MLIP: variants seen among roughly 807,000 people sequenced by gnomAD.
MLIP encodes muscular LMNA-interacting protein.
MLIP carries 79 observed loss-of-function variants against 84.8 expected under a neutral mutation model. The ratio of observed to expected loss-of-function variants is 0.93; its 90% CI spans 0.78 to 1.12. The LOEUF is 1.12. Among genes scored for constraint, MLIP ranks in the 50% most tolerant of loss-of-function variants. The probability of loss-of-function intolerance (pLI) is 0.00; values close to 1 mark genes in which losing one functional copy is unlikely to be tolerated. For missense variants in MLIP, 1,257 were observed against 1,160.6 expected (o/e 1.08, Z -1.21); for synonymous variants, 504 against 463.0 (o/e 1.09, Z -1.14).
intron 1 of MLIP, among the ~76,000 whole-genome samples, chr6:54,105,344 G>A (rs1214772198): frequency 2.0e-5 from 3 of 152,142 alleles, no homozygotes; most frequent in Non-Finnish European, 4.4e-5. Context: ...AGTGGAACTA[G>A]GAAAGTTGAC....
At chr6:54,057,455 T>C (rs1765726171) in intron 1 of MLIP, among the ~76,000 whole-genome samples, 1 of 152,224 alleles carries the variant, frequency 6.6e-6, no homozygotes, top group Admixed American at 6.5e-5. Context: ...CTTTTGTCTG[T>C]AAGGGTTAAT....
intron 1 of MLIP, among the ~76,000 whole-genome samples, chr6:54,085,109 A>G (rs1317440744): frequency 6.6e-6 from 1 of 152,220 alleles, no homozygotes; most frequent in Non-Finnish European, 1.5e-5. Flanking sequence ...ATGGGCTTCA[A>G]CTGAGAGTTC....
intron 5 of MLIP, 45 bp downstream of exon 5, chr6:54,149,172 AT>A: frequency 3.3e-6 from 5 of 1,518,594 alleles, no homozygotes; most frequent in Non-Finnish European, 4.5e-6. Flanking sequence ...TTTTAATGTG[AT>A]TTTTAAAATG....
At chr6:54,165,148 C>T (rs1029110330) in intron 8 of MLIP, among the ~76,000 whole-genome samples, 1 of 151,812 alleles carries the variant, frequency 6.6e-6, no homozygotes, top group African/African-American at 2.4e-5. Context: ...TAGCACTTGC[C>T]AGTTCTGGTG....
At chr6:54,176,761 A>G (rs1423872658) in intron 9 of MLIP, among the ~76,000 whole-genome samples, 1 of 152,152 alleles carries the variant, frequency 6.6e-6, no homozygotes, top group Admixed American at 6.6e-5. Flanking sequence ...CTAAGCAAAA[A>G]GAACAAAGCT....
intron 1 of MLIP, among the ~76,000 whole-genome samples, chr6:54,019,944 G>T (rs1763404405): frequency 6.6e-6 from 1 of 152,154 alleles, no homozygotes; most frequent in South Asian, 2.1e-4. Flanking sequence ...GAATTTCAAG[G>T]TCTTAAAGTA....
intron 12 of MLIP, among the ~76,000 whole-genome samples, chr6:54,251,149 T>C (rs760620805): frequency 2.0e-4 from 30 of 151,878 alleles, no homozygotes; most frequent in Non-Finnish European, 3.7e-4. Flanking sequence ...ACATTTTGAG[T>C]ATAGTTAATT....
chr6:54,153,643 T>C (rs1441688624), intron 5 of MLIP, among the ~76,000 whole-genome samples: 3 of 151,854 alleles, frequency 2.0e-5, no homozygotes. Context: ...AGGTCAGAAA[T>C]TCGAGACCAG....
At chr6:54,216,970 T>C in intron 11 of MLIP, 1 of 985,454 alleles carries the variant, frequency 1.0e-6, no homozygotes, top group Non-Finnish European at 1.2e-6. Context: ...AAGGTGTTGA[T>C]TTAAATTAAA....
chr6:54,056,040 A>T (rs903317418), intron 1 of MLIP, among the ~76,000 whole-genome samples: 2 of 152,214 alleles, frequency 1.3e-5, no homozygotes, highest in African/African-American at 4.8e-5. Context: ...CGACAACCAT[A>T]TGCCACTTTT....
At chr6:54,169,701 A>G in intron 9 of MLIP, 129 bp downstream of exon 9, 1 of 464,000 alleles carries the variant, frequency 2.2e-6, no homozygotes, top group Non-Finnish European at 3.7e-6. Context: ...GTAGGATGAT[A>G]TGATTGCAGA....
chr6:54,155,476 A>T lies in MLIP; in HGVS notation c.2290-4891A>T, dbSNP rs73741453. On this transcript the variant is annotated intron_variant, in intron 5 of 13. Transcript: ENST00000502396. ...CTCAGGAATGAAATTTTTGAAATTCAATCAAATAGATAGTCTAAGTATAAC... is the reference window on the plus strand; with the variant it reads ...CTCAGGAATGAAATTTTTGAAATTCTATCAAATAGATAGTCTAAGTATAAC... 5.6e-3 allele frequency among the ~76,000 whole-genome samples: 850 copies of T among 152,248 alleles called. 14 individuals are homozygous for T. Among genetic ancestry groups the T allele is most frequent in the African/African-American group, 0.018 (767 of 41,564 alleles).
At chr6:54,233,066 T>A (rs932793030) in intron 12 of MLIP, among the ~76,000 whole-genome samples, 5 of 152,220 alleles carry the variant, frequency 3.3e-5, no homozygotes, top group Non-Finnish European at 5.9e-5. Context: ...GTGCATCATA[T>A]CCTATAAGGA....
intron 12 of MLIP, among the ~76,000 whole-genome samples, chr6:54,256,970 G>T (rs1371625758): frequency 6.6e-6 from 1 of 152,010 alleles, no homozygotes; most frequent in South Asian, 2.1e-4. Context: ...ATTTAACTTT[G>T]TTTCCTCTCT....
chr6:54,262,235 A>G (rs1783433270), intron 13 of MLIP, among the ~76,000 whole-genome samples: 1 of 152,020 alleles, frequency 6.6e-6, no homozygotes, highest in Admixed American at 6.6e-5. Context: ...TCCCTTCACT[A>G]GGGTAGTAGA....
intron 11 of MLIP, chr6:54,215,247 A>G (rs1779774825): frequency 2.0e-6 from 3 of 1,504,382 alleles, no homozygotes; most frequent in Middle Eastern, 2.2e-4. Flanking sequence ...GTAGCCTTTG[A>G]CTTTCCTACT....
Position 54,144,804 on chromosome 6 carries a change from C to A in MLIP, c.2218-4252C>A, listed in dbSNP as rs540415956. On this transcript the variant is annotated intron_variant, in intron 4 of 13. Coordinates refer to ENST00000502396, the MANE Select transcript of MLIP (RefSeq NM_001281747.2). ...ACTAACATAGTTCACTTTGTGACCT[C>A]ATGGATCTTTATTACTAGAGCCTGT... is the stretch of plus-strand genomic sequence containing the variant. 6.6e-5 allele frequency among the ~76,000 whole-genome samples: 10 copies of A among 152,302 alleles called. 1 individual carries two copies. The highest frequency in any genetic ancestry group is 2.4e-4 in the African/African-American group (10 of 41,576).
At chr6:54,033,655 T>C (rs781543518) in intron 1 of MLIP, among the ~76,000 whole-genome samples, 8 of 152,078 alleles carry the variant, frequency 5.3e-5, no homozygotes, top group Non-Finnish European at 1.0e-4. Flanking sequence ...TCTACTCTCC[T>C]AACCCTCACC....
chr6:54,249,198 T>G (rs1782287865), intron 12 of MLIP, among the ~76,000 whole-genome samples: 1 of 151,972 alleles, frequency 6.6e-6, no homozygotes, highest in African/African-American at 2.4e-5. Flanking sequence ...ATTATCCAAG[T>G]AAAAGAGGAA....
Sources: gnomAD v4.1 joint callset for allele counts (sites outside exome capture counted in the v4.1 genomes callset) on GRCh38, gnomAD v4.1.1 for gene constraint, MANE v1.5 for transcripts, NCBI Gene and HGNC (gene_info 2026-07-23, HGNC 2026-07-21) for gene names.